LRP1B: variants seen among roughly 807,000 people sequenced by gnomAD.
The protein encoded by LRP1B is low-density lipoprotein receptor-related protein 1B.
In LRP1B, 217 loss-of-function variants were observed where a neutral mutation model predicts 556.6. The observed-to-expected ratio is 0.39, with a 90% confidence interval of 0.35 to 0.44. The LOEUF is 0.44. LRP1B is among the 20% of genes least tolerant of loss of function. LRP1B has a pLI of 1.00. For missense variants in LRP1B, 5,053 were observed against 5,620.8 expected, an observed-to-expected ratio of 0.90 and a Z score of 3.23; for synonymous variants, 2,047 against 1,865.8, an observed-to-expected ratio of 1.10 and a Z score of -2.50.
In LRP1B at chr2:141,898,561, A is replaced by C. The variant is rs539734703; in HGVS notation, c.83-88160T>G. Among the ~76,000 whole-genome samples, 5 of 152,288 alleles carry C rather than the reference A, an allele frequency of 3.3e-5. No individual in the cohort carries two copies. In the South Asian group the frequency reaches 1.0e-3, roughly 32 times the overall value. ...GGAATAAGAAAAGGAGAATGAAACCAATCCAAATTCACATATGATAGATGA... is the reference window on the plus strand; with the variant it reads ...GGAATAAGAAAAGGAGAATGAAACCCATCCAAATTCACATATGATAGATGA... On this transcript the variant is annotated intron_variant, in intron 1 of 90. Coordinates refer to ENST00000389484, the MANE Select transcript of LRP1B (RefSeq NM_018557.3).
rs1256554276 is a variant in LRP1B at position 141,811,637 on chromosome 2, A to G, written c.83-1236T>C. The stretch of plus-strand genomic sequence containing the variant: ...GAGTAGTCTTTTCCATACTCAAACT[A>G]TAGCTATTTCGTGACAACTCATTTT... On this transcript the variant is annotated intron_variant, in intron 1 of 90. Coordinates refer to ENST00000389484, the MANE Select transcript of LRP1B (RefSeq NM_018557.3). Among the ~76,000 whole-genome samples the G allele has an allele frequency of 2.6e-5, 4 of 152,242 alleles. No individual in the cohort carries two copies. In the South Asian group the frequency reaches 8.3e-4, roughly 32 times the overall value.
intron 31 of LRP1B, among the ~76,000 whole-genome samples, chr2:140,819,348 A>C (rs181674909): frequency 1.3e-5 from 2 of 152,332 alleles, no homozygotes; most frequent in East Asian, 3.9e-4. Context: ...ATATTCTTTC[A>C]ATTATAAAAC....
At chr2:141,183,232 A>T (rs975760288) in intron 7 of LRP1B, among the ~76,000 whole-genome samples, 2 of 151,992 alleles carry the variant, frequency 1.3e-5, no homozygotes, top group Non-Finnish European at 2.9e-5. Context: ...CTGCTCAGGG[A>T]GCCACCTAAC....
At chr2:141,319,632 G>A (rs1342838712) in intron 3 of LRP1B, among the ~76,000 whole-genome samples, 2 of 152,012 alleles carry the variant, frequency 1.3e-5, no homozygotes, top group Non-Finnish European at 1.5e-5. Flanking sequence ...TCAATCAACT[G>A]TAACCAACAT....
At chr2:141,974,596 G>A (rs1208392778) in intron 1 of LRP1B, among the ~76,000 whole-genome samples, 1 of 151,978 alleles carries the variant, frequency 6.6e-6, no homozygotes, top group Non-Finnish European at 1.5e-5. Flanking sequence ...GGTAATATGT[G>A]TAAATGTAAA....
intron 7 of LRP1B, among the ~76,000 whole-genome samples, chr2:141,163,771 G>A (rs1220785520): frequency 6.6e-6 from 1 of 152,060 alleles, no homozygotes; most frequent in Non-Finnish European, 1.5e-5. Context: ...CATGTGAACT[G>A]TGAGTCCACT....
At chr2:140,359,966 C>T (rs1234309497) in intron 72 of LRP1B, among the ~76,000 whole-genome samples, 3 of 151,452 alleles carry the variant, frequency 2.0e-5, no homozygotes, top group African/African-American at 7.3e-5. Flanking sequence ...TGCTATTGTC[C>T]CCAGGTTTGG....
At chr2:141,387,680 C>G (rs181038274) in intron 3 of LRP1B, among the ~76,000 whole-genome samples, 3 of 151,964 alleles carry the variant, frequency 2.0e-5, no homozygotes, top group African/African-American at 4.8e-5. Context: ...TAAAAATCTG[C>G]CAACATTGAA....
intron 21 of LRP1B, among the ~76,000 whole-genome samples, chr2:140,920,168 C>T (rs1300431036): frequency 2.0e-5 from 3 of 151,934 alleles, no homozygotes; most frequent in Non-Finnish European, 2.9e-5. Flanking sequence ...TCCCTTTTCC[C>T]CACTTATAAT....
Position 140,691,344 on chromosome 2 carries a change from G to A in LRP1B, c.6799+8906C>T, listed in dbSNP as rs148642100. Among the ~76,000 whole-genome samples, 49 of 152,088 alleles carry A rather than the reference G, an allele frequency of 3.2e-4. No homozygotes were observed. The East Asian group carries it at 9.0e-3, about 28-fold the overall frequency. On this transcript the variant is annotated intron_variant, in intron 41 of 90. Transcript: ENST00000389484. ...AAATTAGTCAGGCGTGGAGGCACAT[G>A]CCTATAATCCCAGCTACTTGGAAGG...
At chr2:141,205,113 A>G (rs1020251900) in intron 6 of LRP1B, among the ~76,000 whole-genome samples, 3 of 152,144 alleles carry the variant, frequency 2.0e-5, no homozygotes, top group Non-Finnish European at 4.4e-5. Flanking sequence ...CAAAATATCA[A>G]TATTATTAAA....
intron 3 of LRP1B, among the ~76,000 whole-genome samples, chr2:141,332,917 A>G (rs1687710573): frequency 6.6e-6 from 1 of 151,712 alleles, no homozygotes; most frequent in South Asian, 2.1e-4. Context: ...TTTTTGATTC[A>G]TTAGAAGGCA....
intron 49 of LRP1B, among the ~76,000 whole-genome samples, chr2:140,517,340 C>T (rs924945096): frequency 6.6e-6 from 1 of 152,074 alleles, no homozygotes; most frequent in African/African-American, 2.4e-5. Context: ...ATAGATACGA[C>T]TCTAAATTGA....
chr2:140,864,946 T>C lies in LRP1B; in HGVS notation c.4579+2644A>G, dbSNP rs536442514. On this transcript the variant is annotated intron_variant, in intron 27 of 90. Transcript: ENST00000389484. ...ATAAAACTATGCTAATGATGAAGGG[T>C]ACATCACGCAATTAATAAATCATAT... Among the ~76,000 whole-genome samples the C allele has an allele frequency of 2.6e-5, 4 of 152,150 alleles. No individual in the cohort carries two copies. In the South Asian group the frequency reaches 8.3e-4, roughly 32 times the overall value.
At chr2:141,145,560 T>G (rs1226003183) in intron 7 of LRP1B, among the ~76,000 whole-genome samples, 3 of 150,574 alleles carry the variant, frequency 2.0e-5, no homozygotes, top group African/African-American at 4.9e-5. Flanking sequence ...AGAGACAGAG[T>G]TTTGCTCTTG....
In LRP1B at chr2:140,301,977, C is replaced by A. The variant is rs192477099; in HGVS notation, c.12806-4008G>T. Among the ~76,000 whole-genome samples, 8 of 152,110 alleles carry A rather than the reference C, an allele frequency of 5.3e-5. No homozygotes were observed. The East Asian group carries it at 1.5e-3, about 29-fold the overall frequency. ...AAACTCACCTCTAATCACTTCCTCA[C>A]TGAATCCATTAATTACTTCTCAACC... On this transcript the variant is annotated intron_variant, in intron 83 of 90. Coordinates refer to ENST00000389484, the MANE Select transcript of LRP1B (RefSeq NM_018557.3).
chr2:141,838,981 G>C (rs181952072), intron 1 of LRP1B, among the ~76,000 whole-genome samples: 1 of 152,132 alleles, frequency 6.6e-6, no homozygotes, highest in Non-Finnish European at 1.5e-5. Flanking sequence ...TTAGAGCTGT[G>C]ACTCCTGAGT....
chr2:141,584,662 C>A (rs1484250382), intron 2 of LRP1B, among the ~76,000 whole-genome samples: 1 of 152,094 alleles, frequency 6.6e-6, no homozygotes, highest in Non-Finnish European at 1.5e-5. Flanking sequence ...ACACAACTAT[C>A]ATGAAGTGAT....
rs1450450805 is a variant in LRP1B at position 140,231,819 on chromosome 2, G to A, written c.*1367C>T. Reference sequence around the variant, plus strand: ...AATACATTATGACAGCTAAAAGTCAGTCATGTCTATCAGAGGAACAAAAAG... The same window carrying A: ...AATACATTATGACAGCTAAAAGTCAATCATGTCTATCAGAGGAACAAAAAG... On this transcript the variant is annotated 3_prime_UTR_variant, in exon 91 of 91. Transcript: ENST00000389484. 2 of 151,684 alleles carry A rather than the reference G, an allele frequency of 1.3e-5. No individual in the cohort carries two copies. Among genetic ancestry groups the A allele is most frequent in the African/African-American group, 2.4e-5 (1 of 41,314 alleles). The allele number at this position is 151,684 out of a possible 1,614,324, so 9.4% of individuals were successfully genotyped here.
Sources: gnomAD v4.1 joint callset for allele counts (sites outside exome capture counted in the v4.1 genomes callset) on GRCh38, gnomAD v4.1.1 for gene constraint, MANE v1.5 for transcripts, NCBI Gene and HGNC (gene_info 2026-07-23, HGNC 2026-07-21) for gene names.